Variants in CSMD1 observed in about 807,000 individuals in gnomAD.
CSMD1 encodes the protein CUB and Sushi multiple domains 1, also known as CUB and sushi domain-containing protein 1.
Under a neutral mutation model 417.5 loss-of-function variants are expected in CSMD1, and 213 were observed. The ratio of observed to expected loss-of-function variants is 0.51; its 90% CI spans 0.46 to 0.57. The LOEUF (loss-of-function observed/expected upper bound fraction) is 0.57. CSMD1 is among the 20% of genes least tolerant of loss of function. The probability of loss-of-function intolerance (pLI) is 0.00; values close to 1 mark genes in which losing one functional copy is unlikely to be tolerated. For missense variants in CSMD1, 6,923 were observed against 4,529.7 expected (o/e 1.53, Z -15.17); for synonymous variants, 2,862 against 1,736.8 (o/e 1.65, Z -16.11).
At chr8:4,051,405 A>G (rs557779275) in intron 3 of CSMD1, among the ~76,000 whole-genome samples, 1 of 152,282 alleles carries the variant, frequency 6.6e-6, no homozygotes, top group Non-Finnish European at 1.5e-5. Context: ...CAGTAGCATA[A>G]TGTAGTTAAA....
intron 2 of CSMD1, among the ~76,000 whole-genome samples, chr8:4,614,627 G>A (rs1037359312): frequency 3.3e-5 from 5 of 151,812 alleles, no homozygotes; most frequent in Non-Finnish European, 7.4e-5. Flanking sequence ...ACACACACAC[G>A]TACACGTACA....
At chr8:4,579,411 T>C (rs1483967957) in intron 2 of CSMD1, among the ~76,000 whole-genome samples, 2 of 152,006 alleles carry the variant, frequency 1.3e-5, no homozygotes, top group Admixed American at 6.6e-5. Flanking sequence ...CAGGCTGGTG[T>C]ACAATGGCGT....
At chr8:3,467,802 T>C (rs192782816) in intron 12 of CSMD1, among the ~76,000 whole-genome samples, 8 of 152,250 alleles carry the variant, frequency 5.3e-5, no homozygotes, top group Non-Finnish European at 1.2e-4. Context: ...TGCTTTTTTA[T>C]TATCTCCTTC....
chr8:4,463,459 C>G (rs1799964094), intron 2 of CSMD1, among the ~76,000 whole-genome samples: 1 of 152,018 alleles, frequency 6.6e-6, no homozygotes, highest in African/African-American at 2.4e-5. Context: ...AATTTGTATG[C>G]AAATGGTTAT....
intron 1 of CSMD1, among the ~76,000 whole-genome samples, chr8:4,911,987 G>A (rs1054330360): frequency 1.3e-5 from 2 of 151,258 alleles, no homozygotes; most frequent in Non-Finnish European, 2.9e-5. Flanking sequence ...TTCTCCACAA[G>A]AAGTACGTAC....
At chr8:3,943,557 G>T (rs1037272692) in intron 5 of CSMD1, among the ~76,000 whole-genome samples, 2 of 151,754 alleles carry the variant, frequency 1.3e-5, no homozygotes, top group Admixed American at 6.6e-5. Context: ...CAAAAAATAT[G>T]TATTATTTAC....
intron 2 of CSMD1, among the ~76,000 whole-genome samples, chr8:4,499,667 A>G (rs1020628270): frequency 2.0e-5 from 3 of 152,254 alleles, no homozygotes; most frequent in African/African-American, 2.4e-5. Context: ...TGTTATAAAT[A>G]TCAGATTTTA....
At chr8:4,628,359 T>C (rs968521662) in intron 2 of CSMD1, among the ~76,000 whole-genome samples, 5 of 150,026 alleles carry the variant, frequency 3.3e-5, no homozygotes, top group Non-Finnish European at 5.9e-5. Flanking sequence ...TATACTTCTA[T>C]GTATGTGTGT....
At chr8:3,396,021 A>C (rs1295701638) in intron 17 of CSMD1, among the ~76,000 whole-genome samples, 173 bp downstream of exon 17, 4 of 152,338 alleles carry the variant, frequency 2.6e-5, no homozygotes, top group Non-Finnish European at 2.9e-5. Context: ...TAATTCCAAG[A>C]TGCTCTCTTA....
intron 2 of CSMD1, among the ~76,000 whole-genome samples, chr8:4,623,288 T>G (rs2065627981): frequency 6.6e-6 from 1 of 152,072 alleles, no homozygotes; most frequent in Admixed American, 6.6e-5. Flanking sequence ...CACCGTAAAA[T>G]AACACTCTAC....
At chr8:4,925,611 G>A (rs377091558) in intron 1 of CSMD1, among the ~76,000 whole-genome samples, 2,417 of 150,388 alleles carry the variant, frequency 0.016, 63 homozygotes, top group African/African-American at 0.056. Flanking sequence ...CAGTGGTGCA[G>A]TCTCGGCTCA....
At chr8:3,909,963 C>G (rs141959384) in intron 5 of CSMD1, among the ~76,000 whole-genome samples, 1 of 152,038 alleles carries the variant, frequency 6.6e-6, no homozygotes, top group Non-Finnish European at 1.5e-5. Flanking sequence ...GACTGATATG[C>G]AGACAACACT....
rs112894964 is a variant in CSMD1 at position 4,289,301 on chromosome 8, A to G, written c.415+130652T>C. Among the ~76,000 whole-genome samples the G allele has an allele frequency of 2.5e-3, 374 of 152,316 alleles. 2 individuals are homozygous for G. The highest frequency in any genetic ancestry group is 8.7e-3 in the African/African-American group (362 of 41,562). On this transcript the variant is annotated intron_variant, in intron 3 of 69. Coordinates refer to ENST00000635120, the MANE Select transcript of CSMD1 (RefSeq NM_033225.6). ...ATTTGCCTACATAATTTCACCCATT[A>G]TATATGAGATTGCTATCACGTAACT...
chr8:3,229,905 G>T, intron 27 of CSMD1, 135 bp downstream of exon 27: 1 of 612,540 alleles, frequency 1.6e-6, no homozygotes, highest in Non-Finnish European at 2.7e-6. Flanking sequence ...AATTTCAGGA[G>T]TCTCAGAGAG....
intron 5 of CSMD1, among the ~76,000 whole-genome samples, chr8:3,950,640 C>G (rs1436850050): frequency 3.9e-5 from 6 of 152,184 alleles, no homozygotes; most frequent in Non-Finnish European, 8.8e-5. Flanking sequence ...TGATCTTTTT[C>G]TTCATGATGG....
At chr8:4,603,189 A>G (rs1455095291) in intron 2 of CSMD1, among the ~76,000 whole-genome samples, 1 of 152,062 alleles carries the variant, frequency 6.6e-6, no homozygotes, top group Non-Finnish European at 1.5e-5. Context: ...TATGTGCTTA[A>G]AAATACTGAC....
intron 6 of CSMD1, among the ~76,000 whole-genome samples, chr8:3,724,493 T>C (rs1802376371): frequency 6.6e-6 from 1 of 152,118 alleles, no homozygotes; most frequent in Non-Finnish European, 1.5e-5. Flanking sequence ...ATATAACCTT[T>C]AAAAAATGAA....
intron 7 of CSMD1, among the ~76,000 whole-genome samples, chr8:3,646,411 T>C (rs990500815): frequency 6.6e-6 from 1 of 152,180 alleles, no homozygotes; most frequent in Admixed American, 6.5e-5. Flanking sequence ...TACCATACAA[T>C]CTACTTTAAC....
chr8:4,283,336 T>C (rs994200798), intron 3 of CSMD1, among the ~76,000 whole-genome samples: 5 of 152,210 alleles, frequency 3.3e-5, no homozygotes, highest in African/African-American at 1.2e-4. Flanking sequence ...CCTTCACTGC[T>C]GCCCTGTATA....
Sources: allele counts gnomAD v4.1 joint callset (sites outside exome capture counted in the v4.1 genomes callset), GRCh38; gene constraint gnomAD v4.1.1; transcripts MANE v1.5; gene names NCBI Gene and HGNC (gene_info 2026-07-23, HGNC 2026-07-21).